DENND2C: variants seen among roughly 807,000 people sequenced by gnomAD.
The protein encoded by DENND2C is DENN domain-containing protein 2C.
DENND2C carries 72 observed loss-of-function variants against 112.4 expected under a neutral mutation model. The ratio of observed to expected loss-of-function variants is 0.64; its 90% CI spans 0.53 to 0.78. The LOEUF is 0.78. DENND2C is among the 30% of genes least tolerant of loss of function. The pLI, the probability that DENND2C is intolerant of heterozygous loss-of-function variation, is 0.00. For synonymous variants in DENND2C, 329 were observed against 381.6 expected (o/e 0.86, Z 1.61); for missense variants, 992 against 1,113.8 (o/e 0.89, Z 1.56).
At chr1:114,636,961 T>C (rs1220662927) in intron 3 of DENND2C, among the ~76,000 whole-genome samples, 5 of 151,144 alleles carry the variant, frequency 3.3e-5, no homozygotes, top group African/African-American at 9.7e-5. Flanking sequence ...ACATGAAACA[T>C]TGGCCAGGTA....
chr1:114,597,942 C>T (rs1302302229), intron 16 of DENND2C, among the ~76,000 whole-genome samples: 2 of 152,134 alleles, frequency 1.3e-5, no homozygotes. Flanking sequence ...ACACTACGCA[C>T]CCACCAGATA....
chr1:114,585,717 A>T lies in DENND2C; in HGVS notation c.2756-86T>A, dbSNP rs1655021909. The T allele has an allele frequency of 2.9e-6, 4 of 1,364,890 alleles. No individual in the cohort carries two copies. The Admixed American group carries it at 7.0e-5, about 24-fold the overall frequency. 84.5% of individuals were successfully genotyped at this position (1,364,890 alleles called of 1,614,324 possible). A position where few individuals can be genotyped will look rare whatever the true frequency, so the allele number is the denominator to read the frequency against. ...GAGGTAAGGGATTAACAGGTCAGTC[A>T]TTCAGAACAGCCCAAGAGTTAAGCT... On this transcript the variant is annotated intron_variant, in intron 20 of 20. Transcript: ENST00000393274.
chr1:114,659,536 G>C (rs1347939823), intron 1 of DENND2C, among the ~76,000 whole-genome samples: 1 of 152,114 alleles, frequency 6.6e-6, no homozygotes, highest in African/African-American at 2.4e-5. Context: ...AAGTGCAGTA[G>C]TGATGCTTGA....
intron 2 of DENND2C, among the ~76,000 whole-genome samples, chr1:114,647,542 C>T (rs544597388): frequency 6.6e-6 from 1 of 152,114 alleles, no homozygotes; most frequent in East Asian, 1.9e-4. Flanking sequence ...TTCTTTATAC[C>T]ATTAGGTAAT....
At chr1:114,634,751 GGCATGGT>G (rs1656602197) in intron 3 of DENND2C, among the ~76,000 whole-genome samples, 3 of 151,894 alleles carry the variant, frequency 2.0e-5, no homozygotes, top group Admixed American at 2.0e-4. Flanking sequence ...AACACGGCCG[GGCATGGT>G]GGCTCAAGCC....
chr1:114,605,154 C>T, intron 10 of DENND2C, 123 bp from the exon 11 acceptor site: 1 of 645,014 alleles, frequency 1.6e-6, no homozygotes, highest in Non-Finnish European at 2.6e-6. Context: ...GCTGATAAGC[C>T]TCAGCATGGT....
chr1:114,617,617 T>C (rs999769403), intron 8 of DENND2C, among the ~76,000 whole-genome samples: 3 of 151,890 alleles, frequency 2.0e-5, no homozygotes, highest in African/African-American at 4.8e-5. Context: ...AGGATAATAC[T>C]TATTAAATGA....
intron 1 of DENND2C, among the ~76,000 whole-genome samples, chr1:114,669,703 G>A (rs1297936692): frequency 6.6e-6 from 1 of 152,090 alleles, no homozygotes; most frequent in Admixed American, 6.5e-5. Flanking sequence ...AGCCCCTGAG[G>A]TAGCGAGGAG....
intron 2 of DENND2C, among the ~76,000 whole-genome samples, chr1:114,650,921 C>A (rs952239331): frequency 6.6e-6 from 1 of 151,940 alleles, no homozygotes; most frequent in South Asian, 2.1e-4. Flanking sequence ...AAATACATCT[C>A]GTATCCTTCA....
Position 114,597,162 on chromosome 1 carries a change from C to T in DENND2C, c.2284-1289G>A, listed in dbSNP as rs552722981. The stretch of plus-strand genomic sequence containing the variant: ...CCCAGAATATAAAAAGACATGTTAA[C>T]GCCAGGCGCAGTGGCTCACTCCAGT... On this transcript the variant is annotated intron_variant, in intron 16 of 20. Transcript: ENST00000393274. 5.9e-5 allele frequency among the ~76,000 whole-genome samples: 9 copies of T among 152,144 alleles called. No homozygotes were observed. In the East Asian group the frequency reaches 9.6e-4, roughly 16 times the overall value.
chr1:114,660,795 T>C lies in DENND2C; in HGVS notation c.-573-6034A>G, dbSNP rs150119343. On this transcript the variant is annotated intron_variant, in intron 1 of 20. Coordinates refer to ENST00000393274, the MANE Select transcript of DENND2C (RefSeq NM_001256404.2). The stretch of plus-strand genomic sequence containing the variant: ...TTTTAAAATTCTGTAAATATACCCA[T>C]ACAGCTGTGGTTAAATTTAAACAAC... 3.1e-3 allele frequency among the ~76,000 whole-genome samples: 476 copies of C among 152,256 alleles called. 1 individual carries two copies. Among genetic ancestry groups the C allele is most frequent in the Non-Finnish European group, 5.6e-3 (378 of 68,016 alleles).
chr1:114,642,355 G>T (rs1656865303), intron 3 of DENND2C, among the ~76,000 whole-genome samples: 1 of 152,124 alleles, frequency 6.6e-6, no homozygotes, highest in Non-Finnish European at 1.5e-5. Context: ...TTCAAGCTCT[G>T]ACTCTTGCCA....
chr1:114,649,079 C>T lies in DENND2C; in HGVS notation c.-316-3520G>A, dbSNP rs186589849. On this transcript the variant is annotated intron_variant, in intron 2 of 20. Coordinates refer to ENST00000393274, the MANE Select transcript of DENND2C (RefSeq NM_001256404.2). ...AAATGATTCTCCTGCCTCAGCCTCC[C>T]GAGTAGCTGGGATTACAGGCGCCTG... 7.0e-4 allele frequency among the ~76,000 whole-genome samples: 107 copies of T among 151,958 alleles called. 1 individual carries two copies. Among genetic ancestry groups the T allele is most frequent in the African/African-American group, 2.5e-3 (104 of 41,448 alleles).
In DENND2C at chr1:114,661,387, T is replaced by C. The variant is rs538040294; in HGVS notation, c.-573-6626A>G. Reference sequence around the variant, plus strand: ...AGATGAATACTTTTTTCAAGAGATATGTAGCCATTTTTCCCTTATGCCACT... The same window carrying C: ...AGATGAATACTTTTTTCAAGAGATACGTAGCCATTTTTCCCTTATGCCACT... On this transcript the variant is annotated intron_variant, in intron 1 of 20. Coordinates refer to ENST00000393274, the MANE Select transcript of DENND2C (RefSeq NM_001256404.2). Among the ~76,000 whole-genome samples, 5 of 152,312 alleles carry C rather than the reference T, an allele frequency of 3.3e-5. No homozygotes were observed. The East Asian group carries it at 5.8e-4, about 18-fold the overall frequency.
rs139737838 is a variant in DENND2C at position 114,638,027 on chromosome 1, T to C, written c.-205+7421A>G. Among the ~76,000 whole-genome samples, 208 of 152,282 alleles carry C rather than the reference T, an allele frequency of 1.4e-3. 2 individuals carry two copies. Among genetic ancestry groups the C allele is most frequent in the African/African-American group, 4.7e-3 (194 of 41,560 alleles). On this transcript the variant is annotated intron_variant, in intron 3 of 20. Transcript: ENST00000393274. ...AAACGAAGAATAAAGCTGGAGGGCA[T>C]AGACTACCTGATTTTAAGACTTATA... is the stretch of plus-strand genomic sequence containing the variant.
At chr1:114,624,370 T>C (rs893186177) in intron 4 of DENND2C, among the ~76,000 whole-genome samples, 2 of 152,166 alleles carry the variant, frequency 1.3e-5, no homozygotes, top group Non-Finnish European at 2.9e-5. Context: ...GAAGTGATCA[T>C]GGCTCACTGT....
chr1:114,597,690 C>T (rs181959786), intron 16 of DENND2C, among the ~76,000 whole-genome samples: 171 of 150,578 alleles, frequency 1.1e-3, no homozygotes, highest in African/African-American at 3.8e-3. Context: ...GGCTGAGGCA[C>T]GATAATTGCT....
intron 15 of DENND2C, among the ~76,000 whole-genome samples, chr1:114,599,939 A>G (rs1570760406): frequency 7.3e-6 from 1 of 137,062 alleles, no homozygotes; most frequent in Admixed American, 7.4e-5. Context: ...GACACAGGGT[A>G]GGGAACATCA....
At chr1:114,592,057 G>C (rs978573498) in intron 18 of DENND2C, among the ~76,000 whole-genome samples, 1 of 151,854 alleles carries the variant, frequency 6.6e-6, no homozygotes, top group Non-Finnish European at 1.5e-5. Context: ...GCTAATTTTT[G>C]TATTTTTAGT....
Sources: gnomAD v4.1 joint callset for allele counts (sites outside exome capture counted in the v4.1 genomes callset) on GRCh38, gnomAD v4.1.1 for gene constraint, MANE v1.5 for transcripts, NCBI Gene and HGNC (gene_info 2026-07-23, HGNC 2026-07-21) for gene names.